DEGS2: variants seen among roughly 807,000 people sequenced by gnomAD.
DEGS2 encodes delta 4-desaturase, sphingolipid 2.
Under a neutral mutation model 23.8 loss-of-function variants are expected in DEGS2, and 19 were observed. The observed-to-expected ratio is 0.80, with a 90% CI of 0.56 to 1.17. The LOEUF is 1.17. Ranked by LOEUF, DEGS2 falls within the 50% of genes most tolerant of loss-of-function variation. DEGS2 has a pLI of 0.00. For missense variants in DEGS2, 390 were observed against 459.5 expected, an observed-to-expected ratio of 0.85 and a Z score of 1.38; for synonymous variants, 218 against 213.7, an observed-to-expected ratio of 1.02 and a Z score of -0.18.
At chr14:100,158,209 G>A (rs1177491826) in intron 1 of DEGS2, among the ~76,000 whole-genome samples, 1 of 151,956 alleles carries the variant, frequency 6.6e-6, no homozygotes, top group Non-Finnish European at 1.5e-5. Context: ...GGAAGTTTGA[G>A]ACCAGCCTGG....
Position 100,149,055 on chromosome 14 carries a change from A to T in DEGS2, c.738T>A (p.Tyr246Ter). 3.1e-6 allele frequency: 5 copies of T among 1,612,924 alleles called. No homozygotes were observed. The highest frequency in any genetic ancestry group is 4.2e-6 in the Non-Finnish European group (5 of 1,180,002). Residue 246 changes from tyrosine (Y) to a stop codon, truncating the protein, a stop_gained, in exon 2 of 3, where the codon TAT becomes TAA. Transcript: ENST00000305631. LOFTEE classifies it high-confidence loss of function. Reference protein sequence around the residue: ...FLKGHETYSYYGPLNWITFNV... With the variant: ...FLKGHETYSY The stretch of plus-strand genomic sequence containing the variant: ...TGAAGGTGATCCAGTTGAGAGGCCC[A>T]TAGTAGGAGTAGGTCTCGTGGCCCT...
At chr14:100,153,292 TAG>T (rs1491238471) in intron 1 of DEGS2, among the ~76,000 whole-genome samples, 1 of 122,770 alleles carries the variant, frequency 8.1e-6, no homozygotes, top group East Asian at 3.4e-4. Context: ...GATAGATAGA[TAG>T]ATAGATAGAT....
chr14:100,153,820 G>A (rs1470629436), intron 1 of DEGS2, among the ~76,000 whole-genome samples: 1 of 152,334 alleles, frequency 6.6e-6, no homozygotes, highest in Admixed American at 6.5e-5. Context: ...CAAGGCATCT[G>A]GGCAGGTGGC....
At position 100,150,153 on chromosome 14, in the gene DEGS2, G is replaced by A. The variant is rs1460614427; in HGVS notation, c.83-443C>T. 2.0e-5 allele frequency among the ~76,000 whole-genome samples: 3 copies of A among 152,334 alleles called. No homozygotes were observed. In the East Asian group the frequency reaches 5.8e-4, roughly 29 times the overall value. On this transcript the variant is annotated intron_variant, in intron 1 of 2. Coordinates refer to ENST00000305631, the MANE Select transcript of DEGS2 (RefSeq NM_206918.3). ...GGCAGGGAAGCAATGTCTCCTGTCA[G>A]GCAGGGCAAGGAGGACCTGCTGGCA...
At position 100,146,670 on chromosome 14, in the gene DEGS2, G is replaced by T; in HGVS notation, c.*91C>A. 1.3e-6 allele frequency: 2 copies of T among 1,535,856 alleles called. No individual in the cohort carries two copies. Among genetic ancestry groups the T allele is most frequent in the Non-Finnish European group, 8.8e-7 (1 of 1,138,766 alleles). On this transcript the variant is annotated 3_prime_UTR_variant, in exon 3 of 3. Coordinates refer to ENST00000305631, the MANE Select transcript of DEGS2 (RefSeq NM_206918.3). ...TCGGGGACAAGGGCAGCAGTCCAGA[G>T]CACAGGAAGGAAATGTAGCTTCTCA...
In DEGS2 at chr14:100,146,663, G is replaced by T; in HGVS notation, c.*98C>A. 2.6e-6 allele frequency: 4 copies of T among 1,521,672 alleles called. No homozygotes were observed. Among genetic ancestry groups the T allele is most frequent in the Non-Finnish European group, 3.5e-6 (4 of 1,129,494 alleles). 94.3% of individuals were successfully genotyped at this position (1,521,672 alleles called of 1,614,324 possible). On this transcript the variant is annotated 3_prime_UTR_variant, in exon 3 of 3. Transcript: ENST00000305631. ...ACACTCCTCGGGGACAAGGGCAGCA[G>T]TCCAGAGCACAGGAAGGAAATGTAG...
chr14:100,151,306 G>A (rs935914256), intron 1 of DEGS2, among the ~76,000 whole-genome samples: 7 of 152,248 alleles, frequency 4.6e-5, no homozygotes, highest in African/African-American at 1.7e-4. Context: ...TTGGGGCGAT[G>A]GCCTGGCCCT....
chr14:100,144,137 T>C lies in DEGS2; in HGVS notation c.*2624A>G, dbSNP rs1889380661. ...GGCGCCACCACACACCGCAGAGCTG[T>C]CCAGGCACAGCTCCGTCCCCAGCGC... On this transcript the variant is annotated 3_prime_UTR_variant, in exon 3 of 3. Coordinates refer to ENST00000305631, the MANE Select transcript of DEGS2 (RefSeq NM_206918.3). 1 of 257,556 alleles carries C rather than the reference T, an allele frequency of 3.9e-6. No individual in the cohort carries two copies. Among genetic ancestry groups the C allele is most frequent in the Non-Finnish European group, 7.5e-6 (1 of 132,796 alleles). 16.0% of individuals were successfully genotyped at this position (257,556 alleles called of 1,614,324 possible).
At chr14:100,160,891 A>G (rs535468951), upstream of DEGS2, among the ~76,000 whole-genome samples, 2 of 152,328 alleles carry the variant, frequency 1.3e-5, no homozygotes, top group African/African-American at 4.8e-5. Flanking sequence ...AGGGGGACCC[A>G]CATGCCACCA....
intron 1 of DEGS2, chr14:100,155,839 A>G (rs1889648139): frequency 6.6e-6 from 1 of 151,938 alleles, no homozygotes; most frequent in Non-Finnish European, 1.5e-5. Context: ...TTAAAAACAA[A>G]CAAAATTACA....
At chr14:100,155,323 C>T (rs142798233) in intron 1 of DEGS2, among the ~76,000 whole-genome samples, 182 of 152,298 alleles carry the variant, frequency 1.2e-3, no homozygotes, top group Middle Eastern at 3.4e-3. Context: ...CCCTCCTAAT[C>T]CCCTCCTTCC....
upstream of DEGS2, among the ~76,000 whole-genome samples, chr14:100,160,690 C>A (rs1274262415): frequency 6.6e-6 from 1 of 152,192 alleles, no homozygotes; most frequent in African/African-American, 2.4e-5. Flanking sequence ...ATAGTGAGGG[C>A]GTGCTTCTGT....
rs149922542 is a variant in DEGS2 at position 100,149,354 on chromosome 14, G to T, written c.439C>A (p.Arg147Ser). The T allele has an allele frequency of 3.1e-3, 4,979 of 1,609,136 alleles. 23 individuals are homozygous for T. The highest frequency in any genetic ancestry group is 9.2e-3 in the South Asian group (837 of 90,610). Reference protein sequence around the residue: ...GDGLDVDVPTRLEGWFFCTPA... With the variant: ...GDGLDVDVPTSLEGWFFCTPA... ...GTGCAGAAGAACCAGCCCTCCAGAC[G>T]CGTGGGCACGTCCACGTCCAGCCCG... Residue 147 changes from arginine to serine, a missense_variant, in exon 2 of 3, where the codon CGT (arginine) becomes AGT (serine). Physicochemically the swap from Arg to Ser is moderately radical, Grantham distance 110. Coordinates refer to ENST00000305631, the MANE Select transcript of DEGS2 (RefSeq NM_206918.3).
At chr14:100,149,948 G>A (rs758190673) in intron 1 of DEGS2, among the ~76,000 whole-genome samples, 21 of 152,236 alleles carry the variant, frequency 1.4e-4, no homozygotes, top group Middle Eastern at 3.2e-3. Flanking sequence ...TGTGGCCCAC[G>A]CTGGCAGATG....
At chr14:100,151,133 C>T (rs61991310) in intron 1 of DEGS2, among the ~76,000 whole-genome samples, 4,084 of 152,368 alleles carry the variant, frequency 0.027, 82 homozygotes, top group Non-Finnish European at 0.04. Context: ...CACCAGCCTG[C>T]GTCTTCCCAT....
chr14:100,157,333 C>T (rs1889673991), intron 1 of DEGS2, among the ~76,000 whole-genome samples: 1 of 152,210 alleles, frequency 6.6e-6, no homozygotes, highest in Admixed American at 6.5e-5. Flanking sequence ...GTGCCTCTTG[C>T]CTTTTCCACA....
Position 100,149,344 on chromosome 14 carries a change from C to A in DEGS2, c.449G>T (p.Gly150Val). The A allele has an allele frequency of 6.2e-7, 1 of 1,610,046 alleles. No individual in the cohort carries two copies. Among genetic ancestry groups the A allele is most frequent in the Non-Finnish European group, 8.5e-7 (1 of 1,178,390 alleles). ...LDVDVPTRLEGWFFCTPARKL... is the reference protein window; with the variant it reads ...LDVDVPTRLEVWFFCTPARKL... ...GCGGGCGGGTGTGCAGAAGAACCAG[C>A]CCTCCAGACGCGTGGGCACGTCCAC... The change falls in exon 2 of 3, where the codon GGC (glycine) becomes GTC (valine). Residue 150 changes from glycine to valine, a missense_variant. Coordinates refer to ENST00000305631, the MANE Select transcript of DEGS2 (RefSeq NM_206918.3).
At chr14:100,166,349 C>A in the DEGS2 span, among the ~76,000 whole-genome samples, 1 of 15,112 alleles carries the variant, frequency 6.6e-5, no homozygotes, top group African/African-American at 3.3e-4. Flanking sequence ...CTGCCCGGGG[C>A]TGTGGGGGGA....
At chr14:100,153,293 A>AGAT (rs200030977) in intron 1 of DEGS2, among the ~76,000 whole-genome samples, 379 of 126,102 alleles carry the variant, frequency 3.0e-3, no homozygotes, top group Admixed American at 0.01. Flanking sequence ...ATAGATAGAT[A>AGAT]GATAGATAGA....
Sources: allele counts gnomAD v4.1 joint callset (sites outside exome capture counted in the v4.1 genomes callset), GRCh38; gene constraint gnomAD v4.1.1; transcripts MANE v1.5; gene names NCBI Gene and HGNC (gene_info 2026-07-23, HGNC 2026-07-21).